The following SH2D1B variants were observed in gnomAD, a reference collection of about 807,000 sequenced individuals.
The protein encoded by SH2D1B is SH2 domain containing 1B.
SH2D1B carries 11 observed loss-of-function variants against 16.3 expected under a neutral mutation model. That is an observed-to-expected ratio of 0.67 (90% CI 0.42 to 1.11). SH2D1B has a LOEUF of 1.11. Ranked by LOEUF, SH2D1B falls within the 50% of genes most tolerant of loss-of-function variation. SH2D1B has a pLI of 0.00. For missense variants in SH2D1B, 123 were observed against 153.1 expected, an observed-to-expected ratio of 0.80 and a Z score of 1.04; for synonymous variants, 55 against 56.1, an observed-to-expected ratio of 0.98 and a Z score of 0.09.
chr1:162,401,810 A>G (rs1648523952), intron 2 of SH2D1B, among the ~76,000 whole-genome samples: 1 of 152,218 alleles, frequency 6.6e-6, no homozygotes, highest in Admixed American at 6.5e-5. Context: ...AAACATTAAT[A>G]TACTGAAGAT....
In SH2D1B at chr1:162,412,093, G is replaced by T; in HGVS notation, c.-77C>A. ...AAGTCAAGGGACAGCTCTGAGGAGA[G>T]ATGTGTAAGCAGCTGTACCTCCTGT... On this transcript the variant is annotated 5_prime_UTR_variant, in exon 1 of 4. Transcript: ENST00000367929. The T allele has an allele frequency of 6.3e-7, 1 of 1,588,470 alleles. No homozygotes were observed. Among genetic ancestry groups the T allele is most frequent in the Non-Finnish European group, 8.6e-7 (1 of 1,160,996 alleles).
chr1:162,399,993 T>G (rs1195181139), intron 2 of SH2D1B, among the ~76,000 whole-genome samples: 5 of 152,212 alleles, frequency 3.3e-5, no homozygotes, highest in Non-Finnish European at 7.3e-5. Flanking sequence ...ATTTGGTTTT[T>G]CAAATTTGGA....
chr1:162,395,743 T>C lies in SH2D1B; in HGVS notation c.*1537A>G, dbSNP rs1648359218. On this transcript the variant is annotated 3_prime_UTR_variant, in exon 4 of 4. Transcript: ENST00000367929. ...AAATGTAATAAAACATAAGATATCATTTACAGCAACTAGAAATAGGAATTA... is the reference window on the plus strand; with the variant it reads ...AAATGTAATAAAACATAAGATATCACTTACAGCAACTAGAAATAGGAATTA... 1 of 152,170 alleles carries C rather than the reference T, an allele frequency of 6.6e-6. No homozygotes were observed. Among genetic ancestry groups the C allele is most frequent in the Admixed American group, 6.5e-5 (1 of 15,280 alleles). 9.4% of individuals were successfully genotyped at this position (152,170 alleles called of 1,614,324 possible).
intron 3 of SH2D1B, among the ~76,000 whole-genome samples, chr1:162,398,397 T>C (rs1648429788): frequency 6.6e-6 from 1 of 152,204 alleles, no homozygotes; most frequent in Non-Finnish European, 1.5e-5. Flanking sequence ...TAGCTGCTCA[T>C]GATATAATTT....
intron 2 of SH2D1B, 102 bp downstream of exon 2, chr1:162,402,637 T>A: frequency 2.1e-6 from 2 of 961,114 alleles, no homozygotes; most frequent in Non-Finnish European, 3.3e-6. Flanking sequence ...CTTTCCTTTT[T>A]AGAATGCTTT....
chr1:162,400,714 A>G (rs2655729), intron 2 of SH2D1B, among the ~76,000 whole-genome samples: 151,578 of 151,978 alleles, frequency 1, 75,590 homozygotes, highest in Middle Eastern at 1. Context: ...TTGGGAGGCC[A>G]AGGTGGGTGG....
At position 162,395,924 on chromosome 1, in the gene SH2D1B, AT is replaced by A. The variant is rs1648363839; in HGVS notation, c.*1355del. ...CTATTTACAAATTTGTTGCAAGTTCATTAAAAATTCCAAAAAGAGGTTTTAA... is the reference window on the plus strand; with the variant it reads ...CTATTTACAAATTTGTTGCAAGTTCATAAAAATTCCAAAAAGAGGTTTTAA... On this transcript the variant is annotated 3_prime_UTR_variant, in exon 4 of 4. Transcript: ENST00000367929. The A allele has an allele frequency of 6.6e-6, 1 of 152,244 alleles. No individual in the cohort carries two copies. Among genetic ancestry groups the A allele is most frequent in the Non-Finnish European group, 1.5e-5 (1 of 68,040 alleles). 9.4% of individuals were successfully genotyped at this position (152,244 alleles called of 1,614,324 possible). A position where few individuals can be genotyped will look rare whatever the true frequency, so the allele number is the denominator to read the frequency against.
chr1:162,408,817 C>A (rs558423571), intron 1 of SH2D1B, among the ~76,000 whole-genome samples: 21 of 152,066 alleles, frequency 1.4e-4, no homozygotes, highest in Non-Finnish European at 2.9e-4. Context: ...CAAAGAGAAT[C>A]CCAATATAGG....
intron 2 of SH2D1B, among the ~76,000 whole-genome samples, chr1:162,399,308 A>G (rs1648451937): frequency 6.6e-6 from 1 of 152,120 alleles, no homozygotes; most frequent in South Asian, 2.1e-4. Flanking sequence ...CAATCAAGGG[A>G]TCCCAGCGCA....
intron 2 of SH2D1B, among the ~76,000 whole-genome samples, chr1:162,402,288 G>A (rs934140324): frequency 1.3e-5 from 2 of 152,120 alleles, no homozygotes; most frequent in Non-Finnish European, 2.9e-5. Context: ...TGAGGCCGGC[G>A]GATCACAAGG....
Position 162,399,095 on chromosome 1 carries a change from A to C in SH2D1B, c.199-8T>G. On this transcript the variant is annotated splice_region_variant and splice_polypyrimidine_tract_variant and intron_variant, in intron 2 of 3. Coordinates refer to ENST00000367929, the MANE Select transcript of SH2D1B (RefSeq NM_053282.5). ...TGGAGAACCTTCTGCAGTCTGCAAA[A>C]ATACAAGAAAGGAAATCACTCATTA... is the stretch of plus-strand genomic sequence containing the variant. 1 of 1,597,678 alleles carries C rather than the reference A, an allele frequency of 6.3e-7. No individual in the cohort carries two copies. The highest frequency in any genetic ancestry group is 8.5e-7 in the Non-Finnish European group (1 of 1,170,746).
At chr1:162,401,513 A>G (rs1648517239) in intron 2 of SH2D1B, among the ~76,000 whole-genome samples, 1 of 152,192 alleles carries the variant, frequency 6.6e-6, no homozygotes, top group Admixed American at 6.5e-5. Context: ...GTGCATGTAT[A>G]TATACACATA....
chr1:162,397,387 T>C, intron 3 of SH2D1B, 72 bp from the exon 4 acceptor site: 1 of 1,556,268 alleles, frequency 6.4e-7, no homozygotes, highest in Non-Finnish European at 8.8e-7. Flanking sequence ...ACAACCCCAC[T>C]CAAAGGAAAG....
chr1:162,403,378 AC>A (rs913518663), intron 1 of SH2D1B, among the ~76,000 whole-genome samples: 5 of 148,650 alleles, frequency 3.4e-5, no homozygotes, highest in African/African-American at 1.2e-4. Flanking sequence ...AATCCCAGCT[AC>A]TCGAGAGGCT....
chr1:162,406,774 A>G (rs961388066), intron 1 of SH2D1B, among the ~76,000 whole-genome samples: 1 of 152,230 alleles, frequency 6.6e-6, no homozygotes, highest in African/African-American at 2.4e-5. Context: ...GAGAGCATGC[A>G]GTAGGTTAGG....
chr1:162,396,963 G>A lies in SH2D1B; in HGVS notation c.*317C>T, dbSNP rs746656403. The A allele has an allele frequency of 1.8e-5, 5 of 282,300 alleles. No homozygotes were observed. In the South Asian group the frequency reaches 2.4e-4, roughly 13 times the overall value. 17.5% of individuals were successfully genotyped at this position (282,300 alleles called of 1,614,324 possible). A position where few individuals can be genotyped will look rare whatever the true frequency, so the allele number is the denominator to read the frequency against. ...TATAAAGCTGCCCCTCTGACTGCAT[G>A]GTCCAAAGGAGGGTGTCAACCATGA... On this transcript the variant is annotated 3_prime_UTR_variant, in exon 4 of 4. Coordinates refer to ENST00000367929, the MANE Select transcript of SH2D1B (RefSeq NM_053282.5).
At chr1:162,401,885 C>A (rs998358373) in intron 2 of SH2D1B, among the ~76,000 whole-genome samples, 5 of 152,146 alleles carry the variant, frequency 3.3e-5, no homozygotes, top group Non-Finnish European at 5.9e-5. Context: ...TTTTAGGATT[C>A]TCTGTTAGCA....
At chr1:162,398,783 G>A in intron 3 of SH2D1B, 140 bp downstream of exon 3, 1 of 1,006,374 alleles carries the variant, frequency 9.9e-7, no homozygotes, top group Non-Finnish European at 1.4e-6. Context: ...TCAACAAAAT[G>A]GAAATTGCTC....
In SH2D1B at chr1:162,412,117, G is replaced by A. The variant is rs752138922; in HGVS notation, c.-101C>T. ...AGATGTGTAAGCAGCTGTACCTCCT[G>A]TGGAGCTACCTCTTCCTCTAGCGGT... On this transcript the variant is annotated 5_prime_UTR_variant, in exon 1 of 4. Coordinates refer to ENST00000367929, the MANE Select transcript of SH2D1B (RefSeq NM_053282.5). 5.9e-5 allele frequency: 87 copies of A among 1,472,568 alleles called. No homozygotes were observed. The highest frequency in any genetic ancestry group is 4.9e-4 in the Admixed American group (27 of 55,568). The allele number at this position is 1,472,568 out of a possible 1,614,324, so 91.2% of individuals were successfully genotyped here. A position where few individuals can be genotyped will look rare whatever the true frequency, so the allele number is the denominator to read the frequency against.
Sources: allele counts gnomAD v4.1 joint callset (sites outside exome capture counted in the v4.1 genomes callset), GRCh38; gene constraint gnomAD v4.1.1; transcripts MANE v1.5; gene names NCBI Gene and HGNC (gene_info 2026-07-23, HGNC 2026-07-21).